Variants in RDH13 observed in about 807,000 individuals in gnomAD.
RDH13 encodes retinol dehydrogenase 13.
RDH13 carries 35 observed loss-of-function variants against 28.3 expected under a neutral mutation model. The ratio of observed to expected loss-of-function variants is 1.24; its 90% CI spans 0.95 to 1.64. The LOEUF is 1.64. RDH13 is among the 40% of genes most tolerant of loss of function. The pLI, the probability that RDH13 is intolerant of heterozygous loss-of-function variation, is 0.00. For synonymous variants in RDH13, 229 were observed against 198.5 expected (o/e 1.15, Z -1.29); for missense variants, 514 against 446.3 (o/e 1.15, Z -1.37).
chr19:55,056,642 C>T lies in RDH13; in HGVS notation c.340+11G>A, dbSNP rs1277901013. On this transcript the variant is annotated intron_variant, in intron 3 of 6. Transcript: ENST00000415061. ...CCCAGTCCTCATCCCACATGGCCAG[C>T]GTTCTCCTACCTTCAATGATCTTTG... is the stretch of plus-strand genomic sequence containing the variant. 2 of 1,613,542 alleles carry T rather than the reference C, an allele frequency of 1.2e-6. No homozygotes were observed. Among genetic ancestry groups the T allele is most frequent in the Non-Finnish European group, 1.7e-6 (2 of 1,179,784 alleles).
At position 55,048,725 on chromosome 19, in the gene RDH13, C is replaced by T. The variant is rs2075326931; in HGVS notation, c.379G>A (p.Val127Met). The change falls in exon 4 of 7, where the codon GTG becomes ATG. Residue 127 changes from valine to methionine, a missense_variant. Physicochemically the swap from Val to Met is conservative, Grantham distance 21. Coordinates refer to ENST00000415061, the MANE Select transcript of RDH13 (RefSeq NM_001145971.2). Reference protein sequence around the residue: ...RVDILINNAGVMRCPHWTTED... With the variant: ...RVDILINNAGMMRCPHWTTED... The stretch of plus-strand genomic sequence containing the variant: ...GTGGTCCAGTGGGGGCACCGCATCA[C>T]ACCCGCGTTGTTGATTAGAATGTCC... The T allele has an allele frequency of 6.2e-7, 1 of 1,613,976 alleles. No homozygotes were observed. Among genetic ancestry groups the T allele is most frequent in the Non-Finnish European group, 8.5e-7 (1 of 1,180,046 alleles).
At chr19:55,069,142 C>T (rs1162008060) in intron 1 of RDH13, among the ~76,000 whole-genome samples, 1 of 136,072 alleles carries the variant, frequency 7.3e-6, no homozygotes, top group Non-Finnish European at 1.6e-5. Flanking sequence ...CAGGAAAGGG[C>T]TGCACAAACC....
upstream of RDH13, among the ~76,000 whole-genome samples, chr19:55,064,979 G>T (rs1046494956): frequency 2.0e-5 from 3 of 149,470 alleles, no homozygotes; most frequent in Admixed American, 7.0e-5. Context: ...GAAGGTGGAC[G>T]GTGGTGATGG....
intron 1 of RDH13, among the ~76,000 whole-genome samples, chr19:55,059,818 G>C (rs1368342243): frequency 6.6e-6 from 1 of 152,180 alleles, no homozygotes. Flanking sequence ...TTGTAGCTTT[G>C]ACCCAGCCAC....
At chr19:55,065,722 G>T (rs1469209079), upstream of RDH13, among the ~76,000 whole-genome samples, 1 of 151,642 alleles carries the variant, frequency 6.6e-6, no homozygotes, top group Non-Finnish European at 1.5e-5. Flanking sequence ...GTGCGCCACA[G>T]TTCGCCAGCT....
chr19:55,048,709 T>C lies in RDH13; in HGVS notation c.395A>G (p.His132Arg), dbSNP rs748987687. Residue 132 changes from histidine to arginine, a missense_variant, in exon 4 of 7, where the codon CAC (histidine) becomes CGC (arginine). By Grantham distance (29) the His-to-Arg change is conservative. Coordinates refer to ENST00000415061, the MANE Select transcript of RDH13 (RefSeq NM_001145971.2). ...CTCGAAGCCGTCCTCGGTGGTCCAG[T>C]GGGGGCACCGCATCACACCCGCGTT... ...INNAGVMRCP[H>R]WTTEDGFEMQ... 6 of 1,613,534 alleles carry C rather than the reference T, an allele frequency of 3.7e-6. No individual in the cohort carries two copies. Among genetic ancestry groups the C allele is most frequent in the Non-Finnish European group, 5.1e-6 (6 of 1,179,880 alleles).
At chr19:55,054,699 G>A (rs1232679946) in intron 3 of RDH13, among the ~76,000 whole-genome samples, 1 of 152,008 alleles carries the variant, frequency 6.6e-6, no homozygotes. Flanking sequence ...CTCCTGAGTA[G>A]CTGGGACTGT....
downstream of RDH13, chr19:55,039,105 T>C (rs576973565): frequency 7.2e-5 from 11 of 152,224 alleles, no homozygotes; most frequent in Admixed American, 6.5e-4. Flanking sequence ...CTCTAACATA[T>C]TTGTACACAG....
At chr19:55,059,832 G>A (rs1430091849) in intron 1 of RDH13, among the ~76,000 whole-genome samples, 1 of 152,164 alleles carries the variant, frequency 6.6e-6, no homozygotes, top group Non-Finnish European at 1.5e-5. Context: ...CAGCCACTTT[G>A]ACCCAATCTG....
At chr19:55,060,899 T>C (rs1231867375) in intron 1 of RDH13, among the ~76,000 whole-genome samples, 1 of 152,160 alleles carries the variant, frequency 6.6e-6, no homozygotes, top group Non-Finnish European at 1.5e-5. Flanking sequence ...ACCACAGACT[T>C]AGTGGCTTAA....
Position 55,044,952 on chromosome 19 carries a change from C to T in RDH13, c.*122G>A, listed in dbSNP as rs1288771776. 7 of 707,338 alleles carry T rather than the reference C, an allele frequency of 9.9e-6. No homozygotes were observed. Among genetic ancestry groups the T allele is most frequent in the East Asian group, 2.7e-5 (1 of 37,052 alleles). The allele number at this position is 707,338 out of a possible 1,614,324, so 43.8% of individuals were successfully genotyped here. A position where few individuals can be genotyped will look rare whatever the true frequency, so the allele number is the denominator to read the frequency against. On this transcript the variant is annotated 3_prime_UTR_variant, in exon 7 of 7. Coordinates refer to ENST00000415061, the MANE Select transcript of RDH13 (RefSeq NM_001145971.2). ...CAGCACCGCCCCCTAGAACCTACTGCGGGCATGGCGGCCGCCAGTCCTGGG... is the reference window on the plus strand; with the variant it reads ...CAGCACCGCCCCCTAGAACCTACTGTGGGCATGGCGGCCGCCAGTCCTGGG...
chr19:55,052,063 C>CTTTTTT lies in RDH13; in HGVS notation c.341-3306_341-3301dup, dbSNP rs111427426. The stretch of plus-strand genomic sequence containing the variant: ...TTTGTTTATCTGGGAACTGCCTCAA[C>CTTTTTT]TTTTTTTTTTTTTTTTTTTTTTTGG... On this transcript the variant is annotated intron_variant, in intron 3 of 6. Transcript: ENST00000415061. 3.3e-4 allele frequency among the ~76,000 whole-genome samples: 40 copies of CTTTTTT among 120,768 alleles called. 1 individual carries two copies. The highest frequency in any genetic ancestry group is 7.5e-4 in the African/African-American group (22 of 29,326). The allele number at this position is 120,768 out of a possible 152,430, so 79.2% of individuals were successfully genotyped here. A position where few individuals can be genotyped will look rare whatever the true frequency, so the allele number is the denominator to read the frequency against.
downstream of RDH13, among the ~76,000 whole-genome samples, chr19:55,040,138 A>G (rs532644082): frequency 6.6e-6 from 1 of 152,298 alleles, no homozygotes. Context: ...ATGTATTTAT[A>G]TTTAATGCCA....
At chr19:55,054,735 A>AT (rs61279685) in intron 3 of RDH13, among the ~76,000 whole-genome samples, 83,061 of 147,582 alleles carry the variant, frequency 0.56, 23,900 homozygotes, top group Middle Eastern at 0.75. Context: ...TGCCCGGCTA[A>AT]TTTTTTTTTT....
At chr19:55,042,864 A>G (rs1671217), downstream of RDH13, 125,700 of 152,282 alleles carry the variant, frequency 0.83, 52,239 homozygotes, top group East Asian at 0.98. Context: ...CTCCATCACC[A>G]CCAGCCAGCG....
intron 6 of RDH13, chr19:55,046,752 G>C (rs939907172): frequency 1.3e-5 from 2 of 152,356 alleles, no homozygotes; most frequent in Admixed American, 1.3e-4. Context: ...CCCACCTCTA[G>C]CTGGGTGTGG....
chr19:55,051,396 C>T (rs979631052), intron 3 of RDH13, among the ~76,000 whole-genome samples: 24 of 152,140 alleles, frequency 1.6e-4, no homozygotes, highest in Non-Finnish European at 2.9e-4. Flanking sequence ...CCAGGAGTGC[C>T]GCCAGCTTCT....
At chr19:55,067,980 TTCTC>T (rs1484786257), upstream of RDH13, among the ~76,000 whole-genome samples, 1 of 146,756 alleles carries the variant, frequency 6.8e-6, no homozygotes, top group African/African-American at 2.5e-5. Context: ...TCTCTCTCTC[TTCTC>T]TGTCTCATAT....
chr19:55,046,338 C>T (rs2075230875), intron 6 of RDH13: 1 of 151,494 alleles, frequency 6.6e-6, no homozygotes, highest in Non-Finnish European at 1.5e-5. Context: ...TCTCAGCTCA[C>T]TGCAACCTCT....
Sources: gnomAD v4.1 joint callset for allele counts (sites outside exome capture counted in the v4.1 genomes callset) on GRCh38, gnomAD v4.1.1 for gene constraint, MANE v1.5 for transcripts, NCBI Gene and HGNC (gene_info 2026-07-23, HGNC 2026-07-21) for gene names.